PLCE1: variants seen among roughly 807,000 people sequenced by gnomAD.
The protein encoded by PLCE1 is 1-phosphatidylinositol 4,5-bisphosphate phosphodiesterase epsilon-1.
PLCE1 carries 119 observed loss-of-function variants against 242.8 expected under a neutral mutation model. The observed-to-expected ratio is 0.49, with a 90% confidence interval of 0.42 to 0.57. The LOEUF (loss-of-function observed/expected upper bound fraction) is 0.57. Ranked by LOEUF, PLCE1 falls within the 20% of genes least tolerant of loss-of-function variation. The pLI, the probability that PLCE1 is intolerant of heterozygous loss-of-function variation, is 0.00. For synonymous variants in PLCE1, 945 were observed against 1,017.4 expected (o/e 0.93, Z 1.35); for missense variants, 2,441 against 2,788.8 (o/e 0.88, Z 2.81).
intron 2 of PLCE1, among the ~76,000 whole-genome samples, chr10:94,116,414 G>A (rs983968127): frequency 6.6e-6 from 1 of 152,198 alleles, no homozygotes; most frequent in Non-Finnish European, 1.5e-5. Flanking sequence ...TTTAGGAATG[G>A]CAGGGCATGG....
Position 94,331,416 on chromosome 10 carries a change from A to G in PLCE1, c.*3473A>G, listed in dbSNP as rs1316009866. 1.3e-5 allele frequency: 2 copies of G among 152,222 alleles called. No homozygotes were observed. Among genetic ancestry groups the G allele is most frequent in the African/African-American group, 2.4e-5 (1 of 41,446 alleles). The allele number at this position is 152,222 out of a possible 1,614,324, so 9.4% of individuals were successfully genotyped here. A position where few individuals can be genotyped will look rare whatever the true frequency, so the allele number is the denominator to read the frequency against. ...ACCCACAGGCCTTGCTTAATTCTGG[A>G]AAGTTATCAGGGCTTGCTTACTGGC... is the stretch of plus-strand genomic sequence containing the variant. On this transcript the variant is annotated 3_prime_UTR_variant, in exon 33 of 33. Transcript: ENST00000371380.
In PLCE1 at chr10:94,298,698, C is replaced by A; in HGVS notation, c.5458+29C>A. On this transcript the variant is annotated intron_variant, in intron 24 of 32. Transcript: ENST00000371380. This position sits in a 1 kb window ranked among gnomAD's most constrained non-coding sequence, Gnocchi z 5.2. ...AGGGGCCTGCATGCTCACCTCGCTC[C>A]TTTGCATCTTACATTTCAGTAAATG... 8 of 1,612,356 alleles carry A rather than the reference C, an allele frequency of 5.0e-6. No homozygotes were observed. The highest frequency in any genetic ancestry group is 6.8e-6 in the Non-Finnish European group (8 of 1,178,492).
At chr10:94,098,785 C>T (rs948771266) in intron 2 of PLCE1, among the ~76,000 whole-genome samples, 1 of 152,202 alleles carries the variant, frequency 6.6e-6, no homozygotes, top group African/African-American at 2.4e-5. Context: ...CTTACGAATA[C>T]AACAGGCATA....
intron 14 of PLCE1, 122 bp downstream of exon 14, chr10:94,262,854 C>A: frequency 3.7e-6 from 3 of 818,586 alleles, no homozygotes; most frequent in Non-Finnish European, 6.3e-6. Context: ...GACAGATATA[C>A]AGTTTTGTTT....
At chr10:94,201,030 C>T (rs1420847623) in intron 4 of PLCE1, among the ~76,000 whole-genome samples, 2 of 152,044 alleles carry the variant, frequency 1.3e-5, no homozygotes, top group Non-Finnish European at 2.9e-5. Flanking sequence ...GATCCTGGAA[C>T]AGAAAAAGGA....
intron 3 of PLCE1, among the ~76,000 whole-genome samples, chr10:94,169,714 T>C (rs1328472745): frequency 1.3e-5 from 2 of 152,194 alleles, no homozygotes; most frequent in East Asian, 3.8e-4. Context: ...CCTGAGGGCC[T>C]AGCTGAAGTT....
At chr10:94,106,912 T>TTTTCTCTCTCTCTCTCTCTCTCTCTC (rs2045756641) in intron 2 of PLCE1, among the ~76,000 whole-genome samples, 1 of 38,734 alleles carries the variant, frequency 2.6e-5, no homozygotes, top group African/African-American at 8.1e-5. Context: ...TGTCTCTTGT[T>TTTTCTCTCTCTCTCTCTCTCTCTCTC]TCTCTCTCTC....
intron 4 of PLCE1, among the ~76,000 whole-genome samples, chr10:94,194,263 CACA>C (rs2048754056): frequency 6.6e-6 from 1 of 152,226 alleles, no homozygotes; most frequent in Non-Finnish European, 1.5e-5. Context: ...TGGGGAATTA[CACA>C]ACAACTATTA....
At chr10:94,242,857 A>G (rs1208078567) in intron 7 of PLCE1, among the ~76,000 whole-genome samples, 1 of 152,234 alleles carries the variant, frequency 6.6e-6, no homozygotes, top group Non-Finnish European at 1.5e-5. Flanking sequence ...CACCCAAAGT[A>G]TTAAATTAAT....
intron 3 of PLCE1, among the ~76,000 whole-genome samples, chr10:94,153,208 CAGTT>C (rs921288050): frequency 9.2e-5 from 14 of 152,026 alleles, no homozygotes; most frequent in African/African-American, 3.4e-4. Context: ...AAGCTCTTCT[CAGTT>C]AGACCATACT....
At chr10:94,281,895 T>C (rs2052243592) in intron 20 of PLCE1, among the ~76,000 whole-genome samples, 1 of 151,916 alleles carries the variant, frequency 6.6e-6, no homozygotes, top group Admixed American at 6.6e-5. Flanking sequence ...CCTTTGATTA[T>C]TGTTGTGACC....
intron 2 of PLCE1, among the ~76,000 whole-genome samples, chr10:94,059,173 C>G (rs542801990): frequency 1.2e-4 from 18 of 152,152 alleles, no homozygotes; most frequent in Non-Finnish European, 2.4e-4. Context: ...CATTGAATGA[C>G]TTGGGGCTAA....
intron 2 of PLCE1, chr10:94,105,580 TC>T (rs2045698936): frequency 6.6e-6 from 1 of 152,176 alleles, no homozygotes; most frequent in African/African-American, 2.4e-5. Context: ...ATTACCTTAA[TC>T]CTTTTCTAAA....
At chr10:94,213,242 G>A (rs111753869) in intron 4 of PLCE1, among the ~76,000 whole-genome samples, 61 of 152,292 alleles carry the variant, frequency 4.0e-4, no homozygotes, top group African/African-American at 1.4e-3. Context: ...GTACAGCTCT[G>A]TTAGTTTTTA....
At chr10:94,162,387 G>C (rs1376709262) in intron 3 of PLCE1, among the ~76,000 whole-genome samples, 1 of 152,156 alleles carries the variant, frequency 6.6e-6, no homozygotes, top group Non-Finnish European at 1.5e-5. Flanking sequence ...AGTCTTGGGA[G>C]GGTGTATGTG....
In PLCE1 at chr10:94,266,009, T is replaced by C. The variant is rs1224478089; in HGVS notation, c.4281+51T>C. The C allele has an allele frequency of 1.0e-5, 16 of 1,579,312 alleles. No individual in the cohort carries two copies. The South Asian group carries it at 1.6e-4, about 15-fold the overall frequency. ...GGTTTTTATTAAACCTAATTATTTA[T>C]GTAACCCCCAAAGTCAAAAAAACCT... On this transcript the variant is annotated intron_variant, in intron 16 of 32. Transcript: ENST00000371380.
intron 29 of PLCE1, 93 bp downstream of exon 29, chr10:94,316,849 G>A: frequency 1.1e-6 from 1 of 894,848 alleles, no homozygotes; most frequent in Non-Finnish European, 1.9e-6. Context: ...AGAATTTCTT[G>A]TAATTGCAAC....
At chr10:94,027,160 A>G (rs1467379166) in intron 1 of PLCE1, among the ~76,000 whole-genome samples, 4 of 152,148 alleles carry the variant, frequency 2.6e-5, no homozygotes, top group African/African-American at 7.2e-5. Context: ...TTGAAACTCA[A>G]CTGAGTTGTC....
At chr10:94,008,391 C>A (rs1275351268) in intron 1 of PLCE1, among the ~76,000 whole-genome samples, 2 of 152,074 alleles carry the variant, frequency 1.3e-5, no homozygotes, top group Non-Finnish European at 2.9e-5. Context: ...TCACTACAAC[C>A]TCCACCTCCC....
Sources: gnomAD v4.1 joint callset for allele counts (sites outside exome capture counted in the v4.1 genomes callset) on GRCh38, gnomAD v4.1.1 for gene constraint, Gnocchi (gnomAD v3.1) non-coding constraint, MANE v1.5 for transcripts, NCBI Gene and HGNC (gene_info 2026-07-23, HGNC 2026-07-21) for gene names.